The following PARP14 variants were observed in gnomAD, a reference collection of about 807,000 sequenced individuals.
PARP14 encodes the protein protein mono-ADP-ribosyltransferase PARP14.
Under a neutral mutation model 154.2 loss-of-function variants are expected in PARP14, and 59 were observed. The observed-to-expected ratio is 0.38, with a 90% CI of 0.31 to 0.48. The LOEUF (loss-of-function observed/expected upper bound fraction) is 0.48. PARP14 is among the 20% of genes least tolerant of loss of function. The pLI, the probability that PARP14 is intolerant of heterozygous loss-of-function variation, is 0.98. For missense variants in PARP14, 1,734 were observed against 2,131.6 expected (o/e 0.81, Z 3.67); for synonymous variants, 720 against 780.5 (o/e 0.92, Z 1.29).
chr3:122,713,616 G>T, intron 10 of PARP14, 43 bp downstream of exon 10: 1 of 1,566,592 alleles, frequency 6.4e-7, no homozygotes. Flanking sequence ...AATGGTAGAT[G>T]CTATGAAGGA....
chr3:122,700,552 A>G lies in PARP14; in HGVS notation c.1998A>G (p.Glu666=), dbSNP rs1334958189. The G allele has an allele frequency of 6.3e-7, 1 of 1,595,142 alleles. No homozygotes were observed. The highest frequency in any genetic ancestry group is 1.3e-5 in the African/African-American group (1 of 74,576). Residue 666 remains glutamate (E), a synonymous_variant, in exon 6 of 17, where the codon GAA becomes GAG. Transcript: ENST00000474629. ...ATAAATTGCTTTTTAACTTCGTTGAACAAAACATGAAAATAGAGAGACTGG... is the reference window on the plus strand; with the variant it reads ...ATAAATTGCTTTTTAACTTCGTTGAGCAAAACATGAAAATAGAGAGACTGG... The part of the protein sequence containing the change: ...ETYKLLFNFV[E]QNMKIERLVE...
At position 122,700,043 on chromosome 3, in the gene PARP14, A is replaced by G. The variant is rs548581245; in HGVS notation, c.1489A>G (p.Ile497Val). The G allele has an allele frequency of 1.9e-6, 3 of 1,613,982 alleles. No homozygotes were observed. The highest frequency in any genetic ancestry group is 4.5e-5 in the East Asian group (2 of 44,882). ...CCATTTACTCACGGAGTGCCCAGAGATAGAGATTTGTTACGATAGAGTCAC... is the reference window on the plus strand; with the variant it reads ...CCATTTACTCACGGAGTGCCCAGAGGTAGAGATTTGTTACGATAGAGTCAC... ...LDHLLTECPE[I>V]EICYDRVTQH... Residue 497 changes from isoleucine (I) to valine (V), a missense_variant, in exon 6 of 17, where the codon ATA becomes GTA. By Grantham distance (29) the Ile-to-Val change is conservative. Around this residue, in one of 2 missense-constraint regions of PARP14, gnomAD observed 1,646 missense variants for 1,976.0 expected, o/e 0.83. Coordinates refer to ENST00000474629, the MANE Select transcript of PARP14 (RefSeq NM_017554.3).
chr3:122,720,777 C>A, intron 15 of PARP14: 1 of 458,406 alleles, frequency 2.2e-6, no homozygotes. Context: ...ACAGTGCTTC[C>A]TTGATAAAGC....
At chr3:122,695,379 A>G (rs1277793114) in intron 4 of PARP14, 47 bp from the exon 5 acceptor site, 1 of 938,124 alleles carries the variant, frequency 1.1e-6, no homozygotes, top group Non-Finnish European at 1.6e-6. Context: ...ACATAAAGAT[A>G]CAATAAAAAT....
At chr3:122,720,596 T>C (rs1192821914) in intron 15 of PARP14, 1 of 613,554 alleles carries the variant, frequency 1.6e-6, no homozygotes, top group East Asian at 2.9e-5. Flanking sequence ...CAATATTTGA[T>C]TGTAATATGA....
intron 4 of PARP14, among the ~76,000 whole-genome samples, 178 bp downstream of exon 4, chr3:122,692,721 A>C (rs2107639457): frequency 6.6e-6 from 1 of 152,302 alleles, no homozygotes; most frequent in East Asian, 1.9e-4. Flanking sequence ...ATTGAAACCA[A>C]ATTCCATATT....
At chr3:122,715,814 G>A (rs1355782678) in intron 12 of PARP14, among the ~76,000 whole-genome samples, 1 of 152,070 alleles carries the variant, frequency 6.6e-6, no homozygotes, top group Non-Finnish European at 1.5e-5. Flanking sequence ...GCAGCTTAGG[G>A]GTGCCACAGA....
Position 122,699,416 on chromosome 3 carries a change from C to T in PARP14, c.862C>T (p.Leu288Phe), listed in dbSNP as rs576430075. Residue 288 changes from leucine to phenylalanine, a missense_variant, in exon 6 of 17, where the codon CTC becomes TTC. Leu to Phe is a conservative substitution (Grantham distance 22, BLOSUM62 0). This residue lies in a region of PARP14 where 1,646 missense variants were observed against 1,976.0 expected (regional missense o/e 0.83). Coordinates refer to ENST00000474629, the MANE Select transcript of PARP14 (RefSeq NM_017554.3). ...GTTAGACACCATCATGGCCACAAAA[C>T]TCGACTTCAATAAAATGCCACTTTC... is the stretch of plus-strand genomic sequence containing the variant. ...KVLDTIMATK[L>F]DFNKMPLSVF... 7 of 1,610,842 alleles carry T rather than the reference C, an allele frequency of 4.3e-6. No individual in the cohort carries two copies. The South Asian group carries it at 7.7e-5, about 18-fold the overall frequency.
At chr3:122,711,482 T>C (rs1224371531) in intron 9 of PARP14, among the ~76,000 whole-genome samples, 5 of 152,218 alleles carry the variant, frequency 3.3e-5, no homozygotes, top group Admixed American at 1.3e-4. Context: ...TGTTGGATTT[T>C]GTTAGCTCAT....
intron 3 of PARP14, among the ~76,000 whole-genome samples, chr3:122,691,817 A>G (rs1938548840): frequency 6.6e-6 from 1 of 152,226 alleles, no homozygotes; most frequent in African/African-American, 2.4e-5. Flanking sequence ...GCCAGGCAGA[A>G]AAGGGTATAA....
intron 3 of PARP14, among the ~76,000 whole-genome samples, chr3:122,688,137 C>T (rs185949003): frequency 2.6e-5 from 4 of 151,492 alleles, no homozygotes; most frequent in Non-Finnish European, 2.9e-5. Flanking sequence ...CCTCACTTGT[C>T]GAACTGGCTC....
At chr3:122,713,642 A>G (rs1330060309) in intron 10 of PARP14, 69 bp downstream of exon 10, 16 of 1,435,140 alleles carry the variant, frequency 1.1e-5, no homozygotes, top group Non-Finnish European at 1.4e-5. Context: ...TCTATAGCCA[A>G]ACTGGTTTTT....
chr3:122,726,452 A>G (rs1933289185), intron 15 of PARP14, among the ~76,000 whole-genome samples: 2 of 152,310 alleles, frequency 1.3e-5, no homozygotes, highest in South Asian at 2.1e-4. Flanking sequence ...TCTCTCTGCA[A>G]TCTTAGCTCA....
rs1312063410 is a variant in PARP14, at chr3:122,700,896, T to G, written c.2342T>G (p.Met781Arg). 11 of 1,613,982 alleles carry G rather than the reference T, an allele frequency of 6.8e-6. No homozygotes were observed. Among genetic ancestry groups the G allele is most frequent in the Non-Finnish European group, 9.3e-6 (11 of 1,179,868 alleles). ...CYIELQENEV[M>R]KEGGSPAGQK... ...ATTGAACTACAGGAGAATGAAGTAATGAAGGAGGGAGGCAGCCCCGCTGGG... is the reference window on the plus strand; with the variant it reads ...ATTGAACTACAGGAGAATGAAGTAAGGAAGGAGGGAGGCAGCCCCGCTGGG... Residue 781 changes from methionine (M) to arginine (R), a missense_variant, in exon 6 of 17, where the codon ATG (methionine) becomes AGG (arginine). By Grantham distance (91) the Met-to-Arg change is moderately conservative. Around this residue, in one of 2 missense-constraint regions of PARP14, gnomAD observed 1,646 missense variants for 1,976.0 expected, o/e 0.83. Coordinates refer to ENST00000474629, the MANE Select transcript of PARP14 (RefSeq NM_017554.3).
chr3:122,687,431 A>G (rs1938407437), intron 3 of PARP14, among the ~76,000 whole-genome samples: 1 of 152,236 alleles, frequency 6.6e-6, no homozygotes, highest in Non-Finnish European at 1.5e-5. Context: ...AGCCAGCCAT[A>G]GAGAAGCAAG....
At chr3:122,705,754 A>G (rs2107647045) in intron 8 of PARP14, among the ~76,000 whole-genome samples, 1 of 152,292 alleles carries the variant, frequency 6.6e-6, no homozygotes. Flanking sequence ...GTAATGCTTC[A>G]TTTTTCTGTG....
chr3:122,703,666 A>G, intron 6 of PARP14, 76 bp from the exon 7 acceptor site: 1 of 795,066 alleles, frequency 1.3e-6, no homozygotes, highest in African/African-American at 1.7e-5. Flanking sequence ...TGCCAAGCCC[A>G]GTGCCTCAAA....
At chr3:122,722,954 G>A (rs1933195994) in intron 15 of PARP14, among the ~76,000 whole-genome samples, 1 of 143,924 alleles carries the variant, frequency 6.9e-6, no homozygotes, top group South Asian at 2.2e-4. Context: ...TTTTTTCCCC[G>A]AGACGGAGTC....
At position 122,726,945 on chromosome 3, in the gene PARP14, T is replaced by C. The variant is rs150823047; in HGVS notation, c.4942-867T>C. On this transcript the variant is annotated intron_variant, in intron 15 of 16. Coordinates refer to ENST00000474629, the MANE Select transcript of PARP14 (RefSeq NM_017554.3). ...CAAAATATATGTTAATGCCGAGACT[T>C]TGAATTAGAGTGCGAATTGTATCTT... Among the ~76,000 whole-genome samples, 476 of 130,596 alleles carry C rather than the reference T, an allele frequency of 3.6e-3. 2 individuals carry two copies. The highest frequency in any genetic ancestry group is 0.012 in the African/African-American group (403 of 33,772). The allele number at this position is 130,596 out of a possible 152,430, so 85.7% of individuals were successfully genotyped here.
Sources: gnomAD v4.1 joint callset for allele counts (sites outside exome capture counted in the v4.1 genomes callset) on GRCh38, gnomAD v4.1.1 for gene constraint, gnomAD v4.1.1 regional missense constraint, MANE v1.5 for transcripts, NCBI Gene and HGNC (gene_info 2026-07-23, HGNC 2026-07-21) for gene names.